The following PLBD2 variants were observed in gnomAD, a reference collection of about 807,000 sequenced individuals.
PLBD2 encodes the protein putative aminopeptidase PLBD2.
In PLBD2, 51 loss-of-function variants were observed where a neutral mutation model predicts 68.3. The ratio of observed to expected loss-of-function variants is 0.75; its 90% CI spans 0.60 to 0.94. The LOEUF (loss-of-function observed/expected upper bound fraction) is 0.94. Among genes scored for constraint, PLBD2 ranks in the 40% least tolerant of loss-of-function variants. The probability of loss-of-function intolerance (pLI) is 0.00; values close to 1 mark genes in which losing one functional copy is unlikely to be tolerated. For synonymous variants in PLBD2, 314 were observed against 339.3 expected (o/e 0.93, Z 0.82); for missense variants, 729 against 792.2 (o/e 0.92, Z 0.96).
Position 113,372,553 on chromosome 12 carries a change from A to C in PLBD2, c.385-96A>C. The C allele has an allele frequency of 1.5e-6, 2 of 1,364,226 alleles. No individual in the cohort carries two copies. The highest frequency in any genetic ancestry group is 2.6e-5 in the South Asian group (2 of 76,596). 84.5% of individuals were successfully genotyped at this position (1,364,226 alleles called of 1,614,324 possible). A position where few individuals can be genotyped will look rare whatever the true frequency, so the allele number is the denominator to read the frequency against. On this transcript the variant is annotated intron_variant, in intron 2 of 11. Coordinates refer to ENST00000280800, the MANE Select transcript of PLBD2 (RefSeq NM_173542.4). The surrounding 1 kb of genome is among the most constrained non-coding windows in gnomAD (Gnocchi z 4.2). ...GAGCAAGGACTCAGGTGGCCACACC[A>C]GCAGCCTCCGCTCTGGGGCAGCCTG... is the stretch of plus-strand genomic sequence containing the variant.
intron 1 of PLBD2, among the ~76,000 whole-genome samples, chr12:113,368,685 C>G (rs1452185818): frequency 1.3e-5 from 2 of 152,040 alleles, no homozygotes; most frequent in East Asian, 3.9e-4. Flanking sequence ...TGACATAAGT[C>G]TGTGTTTTAA....
At position 113,384,154 on chromosome 12, in the gene PLBD2, A is replaced by G. The variant is rs1350867108; in HGVS notation, c.1007A>G (p.Tyr336Cys). Residue 336 changes from tyrosine to cysteine, a missense_variant, in exon 7 of 12, where the codon TAT (tyrosine) becomes TGT (cysteine). Transcript: ENST00000280800. This position sits in a 1 kb window ranked among gnomAD's most constrained non-coding sequence, Gnocchi z 4.2. The stretch of plus-strand genomic sequence containing the variant: ...AACAAGAACCCAGCCCTGTGGAAGT[A>G]TGTGCGGCCCAGGGGCTGTGTGCTG... ...IGNKNPALWK[Y>C]VRPRGCVLEW... 3.1e-6 allele frequency: 5 copies of G among 1,613,780 alleles called. No individual in the cohort carries two copies. In the African/African-American group the frequency reaches 4.0e-5, roughly 13 times the overall value.
intron 6 of PLBD2, among the ~76,000 whole-genome samples, chr12:113,382,835 T>TTG (rs1209547269): frequency 0.19 from 20,535 of 106,500 alleles, 2,575 homozygotes; most frequent in Non-Finnish European, 0.22. Flanking sequence ...TGGTGGTTTT[T>TTG]TGTGTGTGTG....
At chr12:113,380,936 C>A in intron 6 of PLBD2, 94 bp downstream of exon 6, 1 of 1,225,470 alleles carries the variant, frequency 8.2e-7, no homozygotes. Context: ...AAGTGGGGAC[C>A]AGGCTGCAGC....
Position 113,362,973 on chromosome 12 carries a change from T to A in PLBD2, c.290+4083T>A, listed in dbSNP as rs562768041. 3.3e-5 allele frequency among the ~76,000 whole-genome samples: 5 copies of A among 151,616 alleles called. No individual in the cohort carries two copies. In the East Asian group the frequency reaches 9.8e-4, roughly 30 times the overall value. ...CTAATTTTTTTTTTTTTTTTGTAAT[T>A]TTAATAGAGATGGGGTTTCACCATG... On this transcript the variant is annotated intron_variant, in intron 1 of 11. Transcript: ENST00000280800.
At chr12:113,370,302 G>A (rs554544147) in intron 2 of PLBD2, among the ~76,000 whole-genome samples, 2 of 152,132 alleles carry the variant, frequency 1.3e-5, no homozygotes, top group South Asian at 4.2e-4. Flanking sequence ...AGGGTGGTGG[G>A]TGCCTCTAGG....
intron 4 of PLBD2, 81 bp downstream of exon 4, chr12:113,374,655 A>G: frequency 6.9e-7 from 1 of 1,450,592 alleles, no homozygotes; most frequent in Non-Finnish European, 9.5e-7. Flanking sequence ...TCCAGCATCA[A>G]CCTTGCCACT....
chr12:113,384,037 T>A lies in PLBD2; in HGVS notation c.958-68T>A. ...AAAAAAAAATTTTTGGAGCCATGAC[T>A]GATGAAGTACTGCCACTTGGTGGCA... On this transcript the variant is annotated intron_variant, in intron 6 of 11. Coordinates refer to ENST00000280800, the MANE Select transcript of PLBD2 (RefSeq NM_173542.4). The surrounding 1 kb of genome is among the most constrained non-coding windows in gnomAD (Gnocchi z 4.2). 8.0e-7 allele frequency: 1 copy of A among 1,249,808 alleles called. No individual in the cohort carries two copies. The highest frequency in any genetic ancestry group is 1.1e-6 in the Non-Finnish European group (1 of 933,358). The allele number at this position is 1,249,808 out of a possible 1,614,324, so 77.4% of individuals were successfully genotyped here.
rs922808577 is a variant in PLBD2, at chr12:113,384,149, G to C, written c.1002G>C (p.Trp334Cys). 1 of 1,613,794 alleles carries C rather than the reference G, an allele frequency of 6.2e-7. No homozygotes were observed. Among genetic ancestry groups the C allele is most frequent in the Non-Finnish European group, 8.5e-7 (1 of 1,179,822 alleles). Residue 334 changes from tryptophan (W) to cysteine (C), a missense_variant, in exon 7 of 12, where the codon TGG becomes TGC. By Grantham distance (215) the Trp-to-Cys change is radical. Coordinates refer to ENST00000280800, the MANE Select transcript of PLBD2 (RefSeq NM_173542.4). The surrounding 1 kb of genome is among the most constrained non-coding windows in gnomAD (Gnocchi z 4.2). The stretch of plus-strand genomic sequence containing the variant: ...TTGGCAACAAGAACCCAGCCCTGTG[G>C]AAGTATGTGCGGCCCAGGGGCTGTG... ...TTIGNKNPAL[W>C]KYVRPRGCVL...
chr12:113,362,686 T>C (rs1010968910), intron 1 of PLBD2, among the ~76,000 whole-genome samples: 1 of 151,924 alleles, frequency 6.6e-6, no homozygotes, highest in South Asian at 2.1e-4. Context: ...GAGAGCAATA[T>C]TTGTCAACCC....
rs1443372346 is a variant in PLBD2, at chr12:113,384,185, G to T, written c.1038G>T (p.Trp346Cys). ...YVRPRGCVLEWVRNIVANRLA... is the reference protein window; with the variant it reads ...YVRPRGCVLECVRNIVANRLA... Reference sequence around the variant, plus strand: ...GGCCCAGGGGCTGTGTGCTGGAGTGGGTACGCAACATCGTGGCCAACCGCC... The same window carrying T: ...GGCCCAGGGGCTGTGTGCTGGAGTGTGTACGCAACATCGTGGCCAACCGCC... Residue 346 changes from tryptophan to cysteine, a missense_variant, in exon 7 of 12, where the codon TGG (tryptophan) becomes TGT (cysteine). By Grantham distance (215) the Trp-to-Cys change is radical (BLOSUM62 -2). Transcript: ENST00000280800. This position sits in a 1 kb window ranked among gnomAD's most constrained non-coding sequence, Gnocchi z 4.2. 6.2e-7 allele frequency: 1 copy of T among 1,613,906 alleles called. No individual in the cohort carries two copies. Among genetic ancestry groups the T allele is most frequent in the African/African-American group, 1.3e-5 (1 of 75,008 alleles).
At chr12:113,365,234 C>T (rs1957331938) in intron 1 of PLBD2, among the ~76,000 whole-genome samples, 1 of 152,148 alleles carries the variant, frequency 6.6e-6, no homozygotes, top group African/African-American at 2.4e-5. Context: ...TTGGGCAAAT[C>T]ACTTCATCTA....
rs1411145354 is a variant in PLBD2, at chr12:113,390,350, CATCCAACCATCA to C, written c.*1735_*1746del. The stretch of plus-strand genomic sequence containing the variant: ...CCACCCATCCATCCATCCAATCACC[CATCCAACCATCA>C]ATCCAACCATTTTCATCTGTTCATT... On this transcript the variant is annotated 3_prime_UTR_variant, in exon 12 of 12. Coordinates refer to ENST00000280800, the MANE Select transcript of PLBD2 (RefSeq NM_173542.4). 6.6e-6 allele frequency: 1 copy of C among 151,844 alleles called. No individual in the cohort carries two copies. Among genetic ancestry groups the C allele is most frequent in the African/African-American group, 2.4e-5 (1 of 41,282 alleles). 9.4% of individuals were successfully genotyped at this position (151,844 alleles called of 1,614,324 possible). A position where few individuals can be genotyped will look rare whatever the true frequency, so the allele number is the denominator to read the frequency against.
intron 1 of PLBD2, among the ~76,000 whole-genome samples, chr12:113,364,045 A>G (rs746457679): frequency 4.6e-5 from 7 of 152,136 alleles, no homozygotes; most frequent in Admixed American, 6.5e-5. Flanking sequence ...ATGTGTGATT[A>G]TTGTATCAGG....
rs539776788 is a variant in PLBD2, at chr12:113,362,404, A to G, written c.290+3514A>G. Reference sequence around the variant, plus strand: ...GCATCCCACATAATGGAGAGCATCCAAGGCCATACTAGACTGCGGAAGTGG... The same window carrying G: ...GCATCCCACATAATGGAGAGCATCCGAGGCCATACTAGACTGCGGAAGTGG... On this transcript the variant is annotated intron_variant, in intron 1 of 11. Transcript: ENST00000280800. Among the ~76,000 whole-genome samples, 5 of 152,188 alleles carry G rather than the reference A, an allele frequency of 3.3e-5. No homozygotes were observed. In the South Asian group the frequency reaches 1.0e-3, roughly 32 times the overall value.
rs902470619 is a variant in PLBD2, at chr12:113,389,733, G to A, written c.*1107G>A. The A allele has an allele frequency of 1.3e-5, 2 of 151,242 alleles. No homozygotes were observed. The highest frequency in any genetic ancestry group is 4.9e-5 in the African/African-American group (2 of 41,026). 9.4% of individuals were successfully genotyped at this position (151,242 alleles called of 1,614,324 possible). On this transcript the variant is annotated 3_prime_UTR_variant, in exon 12 of 12. Transcript: ENST00000280800. Reference sequence around the variant, plus strand: ...TTGTTTTTGTTTTTTCTGAGTGGGAGTTTCACTCTATTGCCCAGGCTGGAG... The same window carrying A: ...TTGTTTTTGTTTTTTCTGAGTGGGAATTTCACTCTATTGCCCAGGCTGGAG...
chr12:113,379,373 A>C (rs1480541980), intron 5 of PLBD2, among the ~76,000 whole-genome samples: 1 of 151,154 alleles, frequency 6.6e-6, no homozygotes. Flanking sequence ...ACTCTGGAGC[A>C]CTGTAGGGAA....
At chr12:113,366,036 C>T (rs1957339384) in intron 1 of PLBD2, among the ~76,000 whole-genome samples, 1 of 152,180 alleles carries the variant, frequency 6.6e-6, no homozygotes, top group African/African-American at 2.4e-5. Flanking sequence ...CATCATTCAT[C>T]CTTAGATACC....
chr12:113,367,306 G>T (rs1421308640), intron 1 of PLBD2, among the ~76,000 whole-genome samples: 1 of 152,218 alleles, frequency 6.6e-6, no homozygotes, highest in Non-Finnish European at 1.5e-5. Flanking sequence ...TGGAACTTCT[G>T]CAGCTATCAC....
Sources: allele counts gnomAD v4.1 joint callset (sites outside exome capture counted in the v4.1 genomes callset), GRCh38; gene constraint gnomAD v4.1.1; non-coding constraint Gnocchi (gnomAD v3.1); transcripts MANE v1.5; gene names NCBI Gene and HGNC (gene_info 2026-07-23, HGNC 2026-07-21).